Variants in RIMS2 observed in about 807,000 individuals in gnomAD.
The protein encoded by RIMS2 is regulating synaptic membrane exocytosis 2, also known as regulating synaptic membrane exocytosis protein 2.
RIMS2 carries 59 observed loss-of-function variants against 174.4 expected under a neutral mutation model. The observed-to-expected ratio is 0.34, with a 90% CI of 0.27 to 0.42. RIMS2 has a LOEUF of 0.42. RIMS2 is among the 10% of genes least tolerant of loss of function. RIMS2 has a pLI of 1.00. For missense variants in RIMS2, 1,620 were observed against 1,666.3 expected (o/e 0.97, Z 0.48); for synonymous variants, 606 against 572.5 (o/e 1.06, Z -0.84).
intron 19 of RIMS2, among the ~76,000 whole-genome samples, chr8:104,016,359 T>A (rs963213524): frequency 6.6e-6 from 1 of 152,092 alleles, no homozygotes; most frequent in African/African-American, 2.4e-5. Flanking sequence ...AACAAATTTG[T>A]AAGCGTGCTG....
chr8:103,645,924 G>C (rs1402833964), intron 1 of RIMS2, among the ~76,000 whole-genome samples: 1 of 152,080 alleles, frequency 6.6e-6, no homozygotes, highest in East Asian at 1.9e-4. Context: ...ATTTCACCTG[G>C]GTGCAGGTGG....
intron 2 of RIMS2, among the ~76,000 whole-genome samples, chr8:103,724,162 C>T (rs1315860022): frequency 6.7e-6 from 1 of 148,768 alleles, no homozygotes; most frequent in Non-Finnish European, 1.5e-5. Context: ...TTCGATGTGT[C>T]TGTTCTTATT....
At chr8:103,537,629 G>A (rs1840446720) in intron 1 of RIMS2, among the ~76,000 whole-genome samples, 1 of 152,036 alleles carries the variant, frequency 6.6e-6, no homozygotes, top group Non-Finnish European at 1.5e-5. Flanking sequence ...TCCTTCATAG[G>A]GTAGTACTTA....
intron 1 of RIMS2, among the ~76,000 whole-genome samples, chr8:103,509,418 T>G (rs1448580809): frequency 6.6e-6 from 1 of 152,142 alleles, no homozygotes; most frequent in Non-Finnish European, 1.5e-5. Context: ...AATCTTTGTT[T>G]TATATGTTAG....
chr8:103,874,928 G>A (rs777672226), intron 3 of RIMS2, among the ~76,000 whole-genome samples: 1 of 151,876 alleles, frequency 6.6e-6, no homozygotes, highest in Non-Finnish European at 1.5e-5. Context: ...CATCTTATTT[G>A]GGGCCTAGCT....
chr8:103,936,815 G>A, intron 13 of RIMS2, 93 bp downstream of exon 15: 1 of 1,013,012 alleles, frequency 9.9e-7, no homozygotes, highest in East Asian at 2.7e-5. Context: ...TGTAGAATAG[G>A]CCAGGCATGG....
intron 3 of RIMS2, among the ~76,000 whole-genome samples, chr8:103,770,726 A>T (rs1373074602): frequency 1.4e-5 from 2 of 147,768 alleles, no homozygotes. Context: ...AATTAAACCT[A>T]TTTTTTTTTT....
rs1835328459 is a variant in RIMS2 at position 103,528,664 on chromosome 8, CT to C, written c.176+27604del. 2.0e-5 allele frequency among the ~76,000 whole-genome samples: 3 copies of C among 152,246 alleles called. No homozygotes were observed. The South Asian group carries it at 6.2e-4, about 32-fold the overall frequency. On this transcript the variant is annotated intron_variant, in intron 1 of 23. Transcript: ENST00000504942. Reference sequence around the variant, plus strand: ...TAAATAGGGAATCCTTGCCCCATTTCTTGTTTTTGTCAGGTTTGTCAAAGAT... The same window carrying C: ...TAAATAGGGAATCCTTGCCCCATTTCTGTTTTTGTCAGGTTTGTCAAAGAT...
intron 1 of RIMS2, among the ~76,000 whole-genome samples, chr8:103,538,837 G>T (rs950533766): frequency 6.6e-6 from 1 of 152,268 alleles, no homozygotes; most frequent in East Asian, 1.9e-4. Context: ...ATGGCTTTGC[G>T]TCCTCATAGC....
chr8:104,041,726 A>G (rs2096612436), intron 19 of RIMS2, among the ~76,000 whole-genome samples: 1 of 151,662 alleles, frequency 6.6e-6, no homozygotes, highest in Non-Finnish European at 1.5e-5. Context: ...TTTTAAAATA[A>G]TTCCAAAAGT....
chr8:104,069,463 C>CTTTTTT (rs71297250), intron 19 of RIMS2, among the ~76,000 whole-genome samples: 46 of 91,946 alleles, frequency 5.0e-4, no homozygotes, highest in Admixed American at 6.3e-4. Context: ...ATTAATTGTT[C>CTTTTTT]TTTTTTTTTT....
At chr8:103,813,641 G>C (rs1042698123) in intron 3 of RIMS2, among the ~76,000 whole-genome samples, 6 of 152,138 alleles carry the variant, frequency 3.9e-5, no homozygotes, top group Non-Finnish European at 1.5e-5. Flanking sequence ...CTATGAGTGG[G>C]AGCATGCAGT....
intron 1 of RIMS2, among the ~76,000 whole-genome samples, chr8:103,685,352 A>G (rs6993536): frequency 0.18 from 26,712 of 151,926 alleles, 2,552 homozygotes; most frequent in African/African-American, 0.23. Flanking sequence ...AGTAGTCCCA[A>G]ACTTTTTAAA....
chr8:104,172,534 CTG>C (rs2098838379), intron 19 of RIMS2, among the ~76,000 whole-genome samples: 2 of 152,234 alleles, frequency 1.3e-5, no homozygotes, highest in South Asian at 2.1e-4. Flanking sequence ...TGTATATTGT[CTG>C]TGTTTACTTT....
At chr8:104,074,020 T>G (rs1437746083) in intron 19 of RIMS2, among the ~76,000 whole-genome samples, 1 of 151,998 alleles carries the variant, frequency 6.6e-6, no homozygotes, top group Non-Finnish European at 1.5e-5. Flanking sequence ...TTATCTAAAC[T>G]GTTTGTTTCA....
intron 3 of RIMS2, among the ~76,000 whole-genome samples, chr8:103,817,514 C>T (rs2098725325): frequency 6.6e-6 from 1 of 152,214 alleles, no homozygotes; most frequent in East Asian, 1.9e-4. Context: ...GGCGCAGTGG[C>T]TCACGCCTGT....
intron 3 of RIMS2, among the ~76,000 whole-genome samples, chr8:103,838,161 G>A (rs542663897): frequency 3.3e-5 from 5 of 152,058 alleles, no homozygotes; most frequent in African/African-American, 1.2e-4. Context: ...GCCCAGGCTG[G>A]TCTCAAACTG....
rs190069093 is a variant in RIMS2, at chr8:103,869,502, T to G, written c.699-15796T>G. On this transcript the variant is annotated intron_variant, in intron 3 of 23. Transcript: ENST00000504942. ...ACCCACCACCACGCCCAGCTAATTTTTGTAGAAACGGAGTTTCACCATTTT... is the reference window on the plus strand; with the variant it reads ...ACCCACCACCACGCCCAGCTAATTTGTGTAGAAACGGAGTTTCACCATTTT... Among the ~76,000 whole-genome samples the G allele has an allele frequency of 7.9e-5, 12 of 151,976 alleles. No individual in the cohort carries two copies. In the East Asian group the frequency reaches 1.5e-3, roughly 20 times the overall value.
At chr8:103,892,953 ATAT>A (rs1373152408) in intron 4 of RIMS2, among the ~76,000 whole-genome samples, 2 of 151,896 alleles carry the variant, frequency 1.3e-5, no homozygotes, top group South Asian at 2.1e-4. Flanking sequence ...TGTGGAGGAT[ATAT>A]TATTATTATA....
Sources: allele counts gnomAD v4.1 joint callset (sites outside exome capture counted in the v4.1 genomes callset), GRCh38; gene constraint gnomAD v4.1.1; transcripts MANE v1.5; gene names NCBI Gene and HGNC (gene_info 2026-07-23, HGNC 2026-07-21).